Variants in TSHR observed in about 807,000 individuals in gnomAD.
TSHR encodes the protein thyroid stimulating hormone receptor, also known as thyrotropin receptor.
Under a neutral mutation model 64.1 loss-of-function variants are expected in TSHR, and 51 were observed. The observed-to-expected ratio is 0.80, with a 90% CI of 0.64 to 1.01. TSHR has a LOEUF of 1.01. Ranked by LOEUF, TSHR falls within the 50% of genes least tolerant of loss-of-function variation. The pLI, the probability that TSHR is intolerant of heterozygous loss-of-function variation, is 0.00. For synonymous variants in TSHR, 361 were observed against 361.9 expected (o/e 1.00, Z 0.03); for missense variants, 877 against 942.8 (o/e 0.93, Z 0.91).
At chr14:81,121,684 G>C (rs989680643) in intron 8 of TSHR, among the ~76,000 whole-genome samples, 1 of 152,132 alleles carries the variant, frequency 6.6e-6, no homozygotes, top group African/African-American at 2.4e-5. Context: ...TATCATGCCT[G>C]TAATCCCAGC....
At chr14:81,041,349 C>A (rs183267820) in intron 1 of TSHR, among the ~76,000 whole-genome samples, 1 of 152,052 alleles carries the variant, frequency 6.6e-6, no homozygotes, top group Admixed American at 6.6e-5. Flanking sequence ...TAAAAAAGAA[C>A]GAGATCATGT....
intron 8 of TSHR, among the ~76,000 whole-genome samples, chr14:81,118,815 G>T (rs976618090): frequency 5.3e-5 from 8 of 150,966 alleles, no homozygotes; most frequent in Admixed American, 3.9e-4. Context: ...GCATGGTACT[G>T]GTACCAAAAC....
intron 3 of TSHR, among the ~76,000 whole-genome samples, chr14:81,073,223 G>A (rs1431018960): frequency 1.3e-5 from 2 of 150,522 alleles, no homozygotes; most frequent in African/African-American, 4.9e-5. Context: ...AGCAGAAATT[G>A]GTAGAACTAA....
chr14:81,067,953 A>C (rs1296636925), intron 2 of TSHR, among the ~76,000 whole-genome samples: 2 of 141,414 alleles, frequency 1.4e-5, no homozygotes, highest in South Asian at 4.4e-4. Flanking sequence ...ATATATATAT[A>C]TCGCTAAATA....
chr14:81,117,680 C>A (rs1476051319), intron 8 of TSHR, among the ~76,000 whole-genome samples: 5 of 104,442 alleles, frequency 4.8e-5, no homozygotes, highest in Non-Finnish European at 5.5e-5. Flanking sequence ...TTTTATGAGG[C>A]CAGCATCATT....
At chr14:81,108,924 A>G (rs1890095161) in intron 8 of TSHR, 2 of 1,394,388 alleles carry the variant, frequency 1.4e-6, no homozygotes, top group Admixed American at 6.0e-5. Flanking sequence ...TGGAATAAAA[A>G]CATTTTTTAA....
intron 6 of TSHR, among the ~76,000 whole-genome samples, chr14:81,093,360 G>A (rs969209294): frequency 2.0e-5 from 3 of 152,198 alleles, no homozygotes; most frequent in Non-Finnish European, 4.4e-5. Context: ...TAAAGGATAA[G>A]TTAATTCTCC....
At chr14:80,980,838 T>A (rs1201844565) in intron 1 of TSHR, among the ~76,000 whole-genome samples, 1 of 152,214 alleles carries the variant, frequency 6.6e-6, no homozygotes, top group Non-Finnish European at 1.5e-5. Flanking sequence ...ATCTGGTTTC[T>A]TAGCTTTACA....
chr14:81,088,043 C>T lies in TSHR; in HGVS notation c.392+15C>T, dbSNP rs927467461. The T allele has an allele frequency of 6.3e-7, 1 of 1,594,090 alleles. No individual in the cohort carries two copies. The highest frequency in any genetic ancestry group is 8.6e-7 in the Non-Finnish European group (1 of 1,161,836). On this transcript the variant is annotated intron_variant, in intron 4 of 9. Transcript: ENST00000298171. Reference sequence around the variant, plus strand: ...CTAAAGTTCCTGTAAGTATTAAATCCTCTCCCATCCTACTTTTCTGGGGGG... The same window carrying T: ...CTAAAGTTCCTGTAAGTATTAAATCTTCTCCCATCCTACTTTTCTGGGGGG...
chr14:81,062,961 C>G (rs1269534642), intron 2 of TSHR, among the ~76,000 whole-genome samples: 1 of 152,128 alleles, frequency 6.6e-6, no homozygotes, highest in Admixed American at 6.6e-5. Flanking sequence ...GACTCTACCC[C>G]TAGAAGCATT....
rs193013133 is a variant in TSHR, at chr14:81,016,298, T to C, written c.171-45850T>C. ...TTCACCAACATTTATCTCGTCTTTGTGTTGATAACCATCCTAACAGATGTG... is the reference window on the plus strand; with the variant it reads ...TTCACCAACATTTATCTCGTCTTTGCGTTGATAACCATCCTAACAGATGTG... On this transcript the variant is annotated intron_variant, in intron 1 of 9. Transcript: ENST00000298171. Among the ~76,000 whole-genome samples the C allele has an allele frequency of 1.6e-3, 245 of 152,298 alleles. 1 individual carries two copies. Among genetic ancestry groups the C allele is most frequent in the African/African-American group, 5.8e-3 (240 of 41,566 alleles).
intron 8 of TSHR, among the ~76,000 whole-genome samples, chr14:81,132,838 A>G (rs1891304278): frequency 6.9e-6 from 1 of 144,312 alleles, no homozygotes; most frequent in South Asian, 2.2e-4. Context: ...ACAACTCTTT[A>G]TATTCTTCTT....
chr14:81,095,605 T>G (rs1220750254), intron 6 of TSHR: 1 of 152,076 alleles, frequency 6.6e-6, no homozygotes, highest in Non-Finnish European at 1.5e-5. Context: ...TCAGGGATCC[T>G]AAGTCTCAAC....
chr14:81,053,196 A>T (rs1885532915), intron 1 of TSHR: 1 of 152,184 alleles, frequency 6.6e-6, no homozygotes, highest in African/African-American at 2.4e-5. Context: ...AGCAAAGAAA[A>T]TTGATATCCC....
At chr14:81,121,327 T>C (rs1310947586) in intron 8 of TSHR, among the ~76,000 whole-genome samples, 3 of 152,088 alleles carry the variant, frequency 2.0e-5, no homozygotes, top group South Asian at 2.1e-4. Context: ...AATGGCGACA[T>C]TGAAGAAGAC....
At chr14:81,116,814 C>A (rs1294824105) in intron 8 of TSHR, among the ~76,000 whole-genome samples, 3 of 149,554 alleles carry the variant, frequency 2.0e-5, no homozygotes, top group African/African-American at 7.5e-5. Flanking sequence ...TAAAAGAACA[C>A]AAATTATAAC....
chr14:81,069,330 C>T (rs1008948209), intron 3 of TSHR, among the ~76,000 whole-genome samples: 1 of 152,152 alleles, frequency 6.6e-6, no homozygotes. Context: ...CTATCCACTA[C>T]ATTAAGATGC....
chr14:81,033,192 T>C (rs952471659), intron 1 of TSHR: 11 of 450,512 alleles, frequency 2.4e-5, no homozygotes, highest in African/African-American at 2.1e-4. Flanking sequence ...GGATCACTAA[T>C]GATATCTCAT....
rs1268646879 is a variant in TSHR at position 80,969,336 on chromosome 14, C to A, written c.170+13486C>A. Among the ~76,000 whole-genome samples, 4 of 152,314 alleles carry A rather than the reference C, an allele frequency of 2.6e-5. No homozygotes were observed. In the East Asian group the frequency reaches 7.7e-4, roughly 29 times the overall value. ...ATCCCTTGGTTGAGGCAATGCTGTA[C>A]ACGTTTTCATACTGGTAGATCAGGT... On this transcript the variant is annotated intron_variant, in intron 1 of 9. Coordinates refer to ENST00000298171, the MANE Select transcript of TSHR (RefSeq NM_000369.5).
Sources: allele counts gnomAD v4.1 joint callset (sites outside exome capture counted in the v4.1 genomes callset), GRCh38; gene constraint gnomAD v4.1.1; transcripts MANE v1.5; gene names NCBI Gene and HGNC (gene_info 2026-07-23, HGNC 2026-07-21).